IGF1: variants seen among roughly 807,000 people sequenced by gnomAD.
The protein encoded by IGF1 is insulin-like growth factor 1.
Under a neutral mutation model 13.8 loss-of-function variants are expected in IGF1, and 4 were observed. The ratio of observed to expected loss-of-function variants is 0.29; its 90% CI spans 0.14 to 0.66. IGF1 has a LOEUF of 0.66. Among genes scored for constraint, IGF1 ranks in the 30% least tolerant of loss-of-function variants. The pLI is 0.78. For missense variants in IGF1, 124 were observed against 188.5 expected (o/e 0.66, Z 2.00); for synonymous variants, 76 against 72.6 (o/e 1.05, Z -0.23).
chr12:102,450,542 CTCT>C (rs1878829736), intron 2 of IGF1, among the ~76,000 whole-genome samples: 5 of 152,198 alleles, frequency 3.3e-5, no homozygotes, highest in Admixed American at 3.3e-4. Flanking sequence ...ATTTTTCAAT[CTCT>C]TCTTCGCCTT....
At chr12:102,409,709 G>A (rs908096816) in intron 3 of IGF1, among the ~76,000 whole-genome samples, 8 of 151,986 alleles carry the variant, frequency 5.3e-5, no homozygotes, top group Non-Finnish European at 7.4e-5. Context: ...AGCCCAAGAC[G>A]TTGGCAAGAC....
chr12:102,422,102 A>G (rs2137012449), intron 2 of IGF1, among the ~76,000 whole-genome samples: 1 of 152,328 alleles, frequency 6.6e-6, no homozygotes, highest in African/African-American at 2.4e-5. Context: ...GACTCAGTCA[A>G]ACTCTAAGCT....
chr12:102,441,952 C>CTTCTTCTTCTTCTTCT (rs1565984911), intron 2 of IGF1, among the ~76,000 whole-genome samples: 3 of 140,946 alleles, frequency 2.1e-5, no homozygotes, highest in Non-Finnish European at 4.7e-5. Flanking sequence ...TCTTCTTCTT[C>CTTCTTCTTCTTCTTCT]TTCTTTTTTT....
chr12:102,480,674 T>C (rs1881345274), upstream of IGF1: 1 of 1,195,846 alleles, frequency 8.4e-7, no homozygotes, highest in African/African-American at 1.5e-5. Flanking sequence ...GGCAAAGTTA[T>C]TGAGTAAGGA....
At chr12:102,447,564 A>AT (rs1878466847) in intron 2 of IGF1, among the ~76,000 whole-genome samples, 1 of 151,590 alleles carries the variant, frequency 6.6e-6, no homozygotes, top group South Asian at 2.1e-4. Context: ...TTTGCTTTTT[A>AT]TTTGCTTGGT....
chr12:102,480,513 G>T lies in IGF1; in HGVS notation c.-132C>A. On this transcript the variant is annotated 5_prime_UTR_variant, in exon 1 of 4. Coordinates refer to ENST00000337514, the MANE Select transcript of IGF1 (RefSeq NM_000618.5). ...TTGAGGACTTTATTCCATTGCGCAG[G>T]CTCTATCTGCTCTGAATTTAGCAGT... 1 of 1,527,002 alleles carries T rather than the reference G, an allele frequency of 6.5e-7. No homozygotes were observed. Among genetic ancestry groups the T allele is most frequent in the Non-Finnish European group, 8.8e-7 (1 of 1,137,284 alleles). 94.6% of individuals were successfully genotyped at this position (1,527,002 alleles called of 1,614,324 possible).
chr12:102,412,440 T>C (rs1322727436), intron 3 of IGF1, among the ~76,000 whole-genome samples: 3 of 152,032 alleles, frequency 2.0e-5, no homozygotes, highest in Non-Finnish European at 4.4e-5. Context: ...GAGAAACTAA[T>C]CCCCTTCCCC....
chr12:102,396,886 G>A lies in IGF1; in HGVS notation c.*5621C>T. On this transcript the variant is annotated 3_prime_UTR_variant, in exon 4 of 4. Transcript: ENST00000337514. ...ATGAGGAGAGAAGGATCATGTTTAA[G>A]ATCCATGTAATCATACATTAAGAGG... 2.5e-6 allele frequency: 1 copy of A among 398,088 alleles called. No homozygotes were observed. Among genetic ancestry groups the A allele is most frequent in the East Asian group, 3.6e-5 (1 of 28,030 alleles). 24.7% of individuals were successfully genotyped at this position (398,088 alleles called of 1,614,324 possible).
chr12:102,435,635 T>G (rs1292719967), intron 2 of IGF1, among the ~76,000 whole-genome samples: 1 of 152,202 alleles, frequency 6.6e-6, no homozygotes, highest in Admixed American at 6.5e-5. Flanking sequence ...GAAGTTCCTT[T>G]GATTTCAAAT....
chr12:102,453,578 G>A (rs1049313238), intron 2 of IGF1, among the ~76,000 whole-genome samples: 4 of 152,142 alleles, frequency 2.6e-5, no homozygotes, highest in African/African-American at 7.2e-5. Context: ...ATTACTGTAT[G>A]TACAAAAAAA....
chr12:102,438,753 A>G (rs1044193843), intron 2 of IGF1, among the ~76,000 whole-genome samples: 7 of 152,196 alleles, frequency 4.6e-5, no homozygotes, highest in African/African-American at 1.7e-4. Flanking sequence ...TGGGTCTGTC[A>G]GAAGAAAACA....
At position 102,428,236 on chromosome 12, in the gene IGF1, G is replaced by GTA. The variant is rs56947594; in HGVS notation, c.221-8548_221-8547dup. Among the ~76,000 whole-genome samples, 64 of 69,574 alleles carry GTA rather than the reference G, an allele frequency of 9.2e-4. 14 individuals carry two copies. Among genetic ancestry groups the GTA allele is most frequent in the Admixed American group, 2.2e-3 (11 of 5,000 alleles). 45.6% of individuals were successfully genotyped at this position (69,574 alleles called of 152,430 possible). A position where few individuals can be genotyped will look rare whatever the true frequency, so the allele number is the denominator to read the frequency against. The stretch of plus-strand genomic sequence containing the variant: ...CGACCCACTTTGTAATCAATAATGT[G>GTA]TATATATATATATGGCATATTAATG... On this transcript the variant is annotated intron_variant, in intron 2 of 3. Coordinates refer to ENST00000337514, the MANE Select transcript of IGF1 (RefSeq NM_000618.5).
Position 102,402,446 on chromosome 12 carries a change from C to A in IGF1, c.*61G>T. 2.6e-6 allele frequency: 2 copies of A among 780,246 alleles called. No homozygotes were observed. Among genetic ancestry groups the A allele is most frequent in the Non-Finnish European group, 4.8e-6 (2 of 417,564 alleles). The allele number at this position is 780,246 out of a possible 1,614,324, so 48.3% of individuals were successfully genotyped here. ...AGGTGTTCCAAAGTTTAACAGGTAA[C>A]TCGTGCAGAGCAAAGGATCCTGCGG... On this transcript the variant is annotated 3_prime_UTR_variant, in exon 4 of 4. Transcript: ENST00000337514.
chr12:102,427,637 C>T (rs980522025), intron 2 of IGF1, among the ~76,000 whole-genome samples: 7 of 152,044 alleles, frequency 4.6e-5, no homozygotes, highest in Admixed American at 4.6e-4. Context: ...GAAGGGGTGG[C>T]GGCTGCCAGG....
upstream of IGF1, among the ~76,000 whole-genome samples, chr12:102,481,291 G>C (rs534544511): frequency 6.6e-6 from 1 of 151,816 alleles, no homozygotes; most frequent in South Asian, 2.1e-4. Context: ...CTGGGAGAAG[G>C]GTACCTGGGG....
At chr12:102,436,692 CA>C (rs201581744) in intron 2 of IGF1, among the ~76,000 whole-genome samples, 23 of 148,354 alleles carry the variant, frequency 1.6e-4, no homozygotes, top group East Asian at 3.9e-4. Flanking sequence ...TTTAATTTTG[CA>C]AAAAAAAAAT....
intron 1 of IGF1, among the ~76,000 whole-genome samples, chr12:102,477,997 C>CTTTTTTTTTTTTTTTT (rs66470486): frequency 7.8e-6 from 1 of 127,506 alleles, no homozygotes; most frequent in Non-Finnish European, 1.7e-5. Context: ...TTCTCTTTTT[C>CTTTTTTTTTTTTTTTT]TTTTTTTTTT....
At chr12:102,414,490 C>T (rs1009940992) in intron 3 of IGF1, among the ~76,000 whole-genome samples, 5 of 152,204 alleles carry the variant, frequency 3.3e-5, no homozygotes, top group Admixed American at 2.6e-4. Context: ...GGCAGGATCT[C>T]GGCTCGCTGC....
chr12:102,425,121 T>C (rs1166472280), intron 2 of IGF1, among the ~76,000 whole-genome samples: 1 of 152,198 alleles, frequency 6.6e-6, no homozygotes, highest in African/African-American at 2.4e-5. Context: ...GAAATTAGGA[T>C]TTTTAAAAAA....
Sources: allele counts gnomAD v4.1 joint callset (sites outside exome capture counted in the v4.1 genomes callset), GRCh38; gene constraint gnomAD v4.1.1; transcripts MANE v1.5; gene names NCBI Gene and HGNC (gene_info 2026-07-23, HGNC 2026-07-21).